E2F3: variants seen among roughly 807,000 people sequenced by gnomAD.
E2F3 encodes the protein transcription factor E2F3.
In E2F3, 11 loss-of-function variants were observed where a neutral mutation model predicts 44.4. The ratio of observed to expected loss-of-function variants is 0.25; its 90% CI spans 0.16 to 0.41. E2F3 has a LOEUF of 0.41. E2F3 is among the 10% of genes least tolerant of loss of function. E2F3 has a pLI of 1.00. For missense variants in E2F3, 487 were observed against 583.6 expected, an observed-to-expected ratio of 0.83 and a Z score of 1.70; for synonymous variants, 249 against 253.0, an observed-to-expected ratio of 0.98 and a Z score of 0.15.
At position 20,417,564 on chromosome 6, in the gene E2F3, A is replaced by G. The variant is rs191424121; in HGVS notation, c.393+14939A>G. On this transcript the variant is annotated intron_variant, in intron 1 of 6. Transcript: ENST00000346618. The stretch of plus-strand genomic sequence containing the variant: ...TTTAAATTTAAAAAGATGTTACTTG[A>G]TTTTTATTTCCTGATAATGGATTTA... Among the ~76,000 whole-genome samples, 529 of 150,602 alleles carry G rather than the reference A, an allele frequency of 3.5e-3. 3 individuals are homozygous for G. The highest frequency in any genetic ancestry group is 4.6e-3 in the Non-Finnish European group (311 of 67,834).
intron 1 of E2F3, among the ~76,000 whole-genome samples, chr6:20,441,774 GC>G (rs1760783507): frequency 1.4e-5 from 2 of 146,008 alleles, no homozygotes; most frequent in Admixed American, 1.4e-4. Flanking sequence ...CACTGTGTTG[GC>G]CAGGCTGGTC....
chr6:20,402,269 C>A lies in E2F3; in HGVS notation c.37C>A (p.Leu13Met). The A allele has an allele frequency of 6.2e-7, 1 of 1,607,892 alleles. No individual in the cohort carries two copies. Among genetic ancestry groups the A allele is most frequent in the Admixed American group, 1.7e-5 (1 of 58,532 alleles). The part of the protein sequence containing the change: ...KGIQPALEQY[L>M]VTAGGGEGAA... ...AATCCAGCCCGCTCTGGAGCAGTAC[C>A]TGGTGACCGCCGGGGGTGGGGAGGG... The change falls in exon 1 of 7, where the codon CTG (leucine) becomes ATG (methionine). Residue 13 changes from leucine to methionine, a missense_variant. By Grantham distance (15) the Leu-to-Met change is conservative. Around this residue, in one of 3 missense-constraint regions of E2F3, gnomAD observed 238 missense variants for 236.0 expected, o/e 1.01. Transcript: ENST00000346618. The surrounding 1 kb of genome is among the most constrained non-coding windows in gnomAD (Gnocchi z 5.6).
chr6:20,441,958 C>G (rs535484969), intron 1 of E2F3, among the ~76,000 whole-genome samples: 1 of 151,766 alleles, frequency 6.6e-6, no homozygotes, highest in East Asian at 1.9e-4. Flanking sequence ...AGGGGATTGA[C>G]GCGGATCCTT....
chr6:20,430,561 C>T (rs1333951776), intron 1 of E2F3, among the ~76,000 whole-genome samples: 2 of 152,142 alleles, frequency 1.3e-5, no homozygotes, highest in African/African-American at 2.4e-5. Flanking sequence ...TAGTTGTTCA[C>T]GTGACATTCA....
At chr6:20,465,986 T>C (rs956062486) in intron 1 of E2F3, among the ~76,000 whole-genome samples, 2 of 152,152 alleles carry the variant, frequency 1.3e-5, no homozygotes, top group African/African-American at 4.8e-5. Context: ...CTGGATCAAG[T>C]GGTAATTTCT....
At chr6:20,435,360 G>T (rs182579560) in intron 1 of E2F3, among the ~76,000 whole-genome samples, 2 of 152,282 alleles carry the variant, frequency 1.3e-5, no homozygotes, top group East Asian at 1.9e-4. Flanking sequence ...TTTTTGATTT[G>T]CTAGTGAGAC....
chr6:20,471,188 A>G (rs1761876887), intron 1 of E2F3, among the ~76,000 whole-genome samples: 1 of 152,182 alleles, frequency 6.6e-6, no homozygotes, highest in Non-Finnish European at 1.5e-5. Flanking sequence ...TGCTTTTTTT[A>G]AGTTACATAT....
intron 1 of E2F3, among the ~76,000 whole-genome samples, chr6:20,475,024 T>C (rs1762002387): frequency 6.6e-6 from 1 of 152,220 alleles, no homozygotes; most frequent in Non-Finnish European, 1.5e-5. Context: ...CACCCCAAGT[T>C]CCACCTCCTG....
chr6:20,402,417 C>A lies in E2F3; in HGVS notation c.185C>A (p.Thr62Asn). The change falls in exon 1 of 7, where the codon ACC becomes AAC. Residue 62 changes from threonine to asparagine, a missense_variant. Physicochemically the swap from Thr to Asn is moderately conservative, Grantham distance 65. Coordinates refer to ENST00000346618, the MANE Select transcript of E2F3 (RefSeq NM_001949.5). The surrounding 1 kb of genome is among the most constrained non-coding windows in gnomAD (Gnocchi z 5.6). Reference protein sequence around the residue: ...AAPGAYIQILTTNTSTTSCSS... With the variant: ...AAPGAYIQILNTNTSTTSCSS... ...CCGGGCGCGTACATCCAGATCCTCA[C>A]CACGAACACTTCCACCACCTCCTGT... 1.2e-6 allele frequency: 2 copies of A among 1,611,746 alleles called. No homozygotes were observed. The highest frequency in any genetic ancestry group is 2.2e-5 in the South Asian group (2 of 91,056).
intron 1 of E2F3, among the ~76,000 whole-genome samples, chr6:20,462,859 C>CTTTTTTTTTT (rs780366667): frequency 2.0e-5 from 1 of 48,810 alleles, no homozygotes; most frequent in Admixed American, 3.7e-4. Context: ...CTCTCTCTCT[C>CTTTTTTTTTT]TTTTTTTTTT....
At chr6:20,414,223 A>G (rs114108643) in intron 1 of E2F3, among the ~76,000 whole-genome samples, 1,800 of 152,332 alleles carry the variant, frequency 0.012, 16 homozygotes, top group Non-Finnish European at 0.019. Flanking sequence ...TAATATGAAA[A>G]CGAGACAAAT....
At position 20,402,113 on chromosome 6, in the gene E2F3, G is replaced by C; in HGVS notation, c.-120G>C. The C allele has an allele frequency of 2.8e-6, 4 of 1,416,200 alleles. No homozygotes were observed. Among genetic ancestry groups the C allele is most frequent in the Non-Finnish European group, 3.7e-6 (4 of 1,090,350 alleles). The allele number at this position is 1,416,200 out of a possible 1,614,324, so 87.7% of individuals were successfully genotyped here. On this transcript the variant is annotated 5_prime_UTR_variant, in exon 1 of 7. Coordinates refer to ENST00000346618, the MANE Select transcript of E2F3 (RefSeq NM_001949.5). This position sits in a 1 kb window ranked among gnomAD's most constrained non-coding sequence, Gnocchi z 5.6. ...AAAAGAAAAGAGAGAGAGGGGGCTC[G>C]GAAGCGCCGGGCGGGGAGGAGAGAA...
At chr6:20,425,959 C>G (rs1289183331) in intron 1 of E2F3, among the ~76,000 whole-genome samples, 1 of 152,178 alleles carries the variant, frequency 6.6e-6, no homozygotes, top group African/African-American at 2.4e-5. Flanking sequence ...TTGAAGCAGC[C>G]TCCCAAACAG....
At chr6:20,479,207 A>G (rs1376609780) in intron 1 of E2F3, among the ~76,000 whole-genome samples, 1 of 152,210 alleles carries the variant, frequency 6.6e-6, no homozygotes, top group African/African-American at 2.4e-5. Flanking sequence ...GTCTGTGACT[A>G]GTTGTGTTAC....
intron 3 of E2F3, among the ~76,000 whole-genome samples, chr6:20,481,680 T>TAAA (rs1377099672): frequency 6.6e-6 from 1 of 152,142 alleles, no homozygotes; most frequent in African/African-American, 2.4e-5. Flanking sequence ...ACGGCATCCT[T>TAAA]AAAGAGGTCC....
chr6:20,425,594 G>A (rs559107096), intron 1 of E2F3, among the ~76,000 whole-genome samples: 22 of 152,180 alleles, frequency 1.4e-4, no homozygotes, highest in South Asian at 8.3e-4. Context: ...TCACCATGTC[G>A]GCCAGGCTGG....
intron 1 of E2F3, among the ~76,000 whole-genome samples, chr6:20,421,319 T>G (rs562223809): frequency 6.6e-6 from 1 of 152,350 alleles, no homozygotes; most frequent in South Asian, 2.1e-4. Flanking sequence ...CCAGAAAGTT[T>G]GTAATTTACT....
At chr6:20,403,301 C>T (rs1047586467) in intron 1 of E2F3, among the ~76,000 whole-genome samples, 1 of 152,192 alleles carries the variant, frequency 6.6e-6, no homozygotes, top group East Asian at 1.9e-4. Flanking sequence ...CGGGCTGGCG[C>T]TCTGGCCTGG....
rs533195715 is a variant in E2F3 at position 20,462,904 on chromosome 6, G to A, written c.394-16942G>A. 3.1e-4 allele frequency among the ~76,000 whole-genome samples: 28 copies of A among 89,024 alleles called. No homozygotes were observed. The South Asian group carries it at 0.011, about 34-fold the overall frequency. 58.4% of individuals were successfully genotyped at this position (89,024 alleles called of 152,430 possible). On this transcript the variant is annotated intron_variant, in intron 1 of 6. Coordinates refer to ENST00000346618, the MANE Select transcript of E2F3 (RefSeq NM_001949.5). ...TTTTTTTTTTTTTTTTTTGAGACAG[G>A]GTCTCACTGTATCACCCAGCCTGGA...
Sources: gnomAD v4.1 joint callset for allele counts (sites outside exome capture counted in the v4.1 genomes callset) on GRCh38, gnomAD v4.1.1 for gene constraint, gnomAD v4.1.1 regional missense constraint, Gnocchi (gnomAD v3.1) non-coding constraint, MANE v1.5 for transcripts, NCBI Gene and HGNC (gene_info 2026-07-23, HGNC 2026-07-21) for gene names.